Variants in CLN8 observed in about 807,000 individuals in gnomAD.
CLN8 encodes the protein protein CLN8.
Under a neutral mutation model 15.7 loss-of-function variants are expected in CLN8, and 14 were observed. The observed-to-expected ratio is 0.89, with a 90% CI of 0.59 to 1.39. CLN8 has a LOEUF of 1.39. Among genes scored for constraint, CLN8 ranks in the 40% most tolerant of loss-of-function variants. The probability of loss-of-function intolerance (pLI) is 0.00; values close to 1 mark genes in which losing one functional copy is unlikely to be tolerated. For missense variants in CLN8, 415 were observed against 364.0 expected (o/e 1.14, Z -1.14); for synonymous variants, 188 against 151.0 (o/e 1.25, Z -1.80).
At chr8:1,754,928 C>A (rs1218466355), upstream of CLN8, among the ~76,000 whole-genome samples, 1 of 152,224 alleles carries the variant, frequency 6.6e-6, no homozygotes, top group Non-Finnish European at 1.5e-5. Flanking sequence ...AGATCAGCCA[C>A]TGAAGGAGAA....
At chr8:1,765,643 C>CA (rs1801021635) in intron 1 of CLN8, among the ~76,000 whole-genome samples, 1 of 152,144 alleles carries the variant, frequency 6.6e-6, no homozygotes, top group Admixed American at 6.5e-5. Context: ...AAAGAGAATA[C>CA]ACAAAACTAG....
chr8:1,753,069 T>C (rs1001157343), upstream of CLN8, among the ~76,000 whole-genome samples: 2 of 152,198 alleles, frequency 1.3e-5, no homozygotes, highest in Non-Finnish European at 1.5e-5. Flanking sequence ...CGCAAAGATC[T>C]TCCTCTGAGT....
rs1801680770 is a variant in CLN8 at position 1,780,458 on chromosome 8, A to G, written c.752A>G (p.His251Arg). ...LTLIINPYWTHKKTQQLLNPV... is the reference protein window; with the variant it reads ...LTLIINPYWTRKKTQQLLNPV... Reference sequence around the variant, plus strand: ...CTAATCATTAATCCATATTGGACCCATAAGAAGACTCAGCAGCTTCTCAAT... The same window carrying G: ...CTAATCATTAATCCATATTGGACCCGTAAGAAGACTCAGCAGCTTCTCAAT... The change falls in exon 3 of 3, where the codon CAT (histidine) becomes CGT (arginine). Residue 251 changes from histidine to arginine, a missense_variant. Physicochemically the swap from His to Arg is conservative, Grantham distance 29. Transcript: ENST00000331222. The G allele has an allele frequency of 6.2e-7, 1 of 1,614,232 alleles. No individual in the cohort carries two copies. Among genetic ancestry groups the G allele is most frequent in the Middle Eastern group, 1.6e-4 (1 of 6,062 alleles).
Position 1,780,357 on chromosome 8 carries a change from G to A in CLN8, c.651G>A (p.Trp217Ter). 6.2e-7 allele frequency: 1 copy of A among 1,614,236 alleles called. No homozygotes were observed. Among genetic ancestry groups the A allele is most frequent in the South Asian group, 1.1e-5 (1 of 91,088 alleles). The stretch of plus-strand genomic sequence containing the variant: ...ACCACATGTGGTGGGTGTGTTTCTG[G>A]CACTGGGACGGCCTGGTCAGCAGCC... ...LTYHMWWVCFWHWDGLVSSLY... is the reference protein window; with the variant it reads ...LTYHMWWVCF Residue 217 changes from tryptophan (W) to a stop codon, truncating the protein, a stop_gained, in exon 3 of 3, where the codon TGG (tryptophan) becomes TGA (stop). Transcript: ENST00000331222. LOFTEE classifies it high-confidence loss of function.
At chr8:1,778,084 C>A (rs937254488) in intron 2 of CLN8, among the ~76,000 whole-genome samples, 1 of 152,126 alleles carries the variant, frequency 6.6e-6, no homozygotes, top group Non-Finnish European at 1.5e-5. Context: ...GGTGTGAGAT[C>A]GAAAACTTGC....
intron 1 of CLN8, among the ~76,000 whole-genome samples, chr8:1,757,674 C>T: frequency 6.6e-6 from 1 of 152,120 alleles, no homozygotes; most frequent in Non-Finnish European, 1.5e-5. Context: ...TCAGGAGATC[C>T]ACCCGCCTCG....
chr8:1,780,537 C>A lies in CLN8; in HGVS notation c.831C>A (p.Asn277Lys), dbSNP rs200083273. 6.2e-7 allele frequency: 1 copy of A among 1,614,120 alleles called. No homozygotes were observed. Among genetic ancestry groups the A allele is most frequent in the Non-Finnish European group, 8.5e-7 (1 of 1,179,980 alleles). Residue 277 changes from asparagine to lysine, a missense_variant, in exon 3 of 3, where the codon AAC becomes AAA. Asn to Lys is a moderately conservative substitution (Grantham distance 94). Coordinates refer to ENST00000331222, the MANE Select transcript of CLN8 (RefSeq NM_018941.4). ...QPEAKSRPEGNGQLLRKKRP is the reference protein window; with the variant it reads ...QPEAKSRPEGKGQLLRKKRP ...AAGCCAAGAGCAGGCCAGAAGGCAA[C>A]GGGCAGCTGCTGCGGAAGAAGAGGC...
chr8:1,772,272 T>G (rs1382779143), intron 2 of CLN8, among the ~76,000 whole-genome samples: 2 of 152,082 alleles, frequency 1.3e-5, no homozygotes. Flanking sequence ...GTAATATCTG[T>G]GCGTACACAC....
intron 1 of CLN8, among the ~76,000 whole-genome samples, chr8:1,756,663 G>A (rs1026841674): frequency 9.3e-5 from 14 of 150,410 alleles, no homozygotes; most frequent in Admixed American, 1.3e-4. Context: ...CTCTCTCTAG[G>A]TATGAATTAA....
chr8:1,782,859 A>T lies in CLN8; in HGVS notation c.*2292A>T, dbSNP rs1801740913. ...TAATTTTTATCTCACCTCCACTAGG[A>T]CTTTGACCTTCCCAGGGGTCCACAC... On this transcript the variant is annotated 3_prime_UTR_variant, in exon 3 of 3. Coordinates refer to ENST00000331222, the MANE Select transcript of CLN8 (RefSeq NM_018941.4). The T allele has an allele frequency of 6.6e-6, 1 of 152,176 alleles. No homozygotes were observed. The highest frequency in any genetic ancestry group is 1.9e-4 in the East Asian group (1 of 5,188). 9.4% of individuals were successfully genotyped at this position (152,176 alleles called of 1,614,324 possible).
intron 2 of CLN8, among the ~76,000 whole-genome samples, chr8:1,775,228 A>G (rs1023658402): frequency 2.6e-5 from 4 of 152,196 alleles, no homozygotes; most frequent in Non-Finnish European, 5.9e-5. Flanking sequence ...TAAGTAATCT[A>G]CAGATGATTT....
At chr8:1,761,411 G>A (rs879240264), upstream of CLN8, among the ~76,000 whole-genome samples, 4 of 152,114 alleles carry the variant, frequency 2.6e-5, no homozygotes, top group Admixed American at 2.0e-4. Flanking sequence ...TGCAACCTCC[G>A]CCTTCAGGGT....
chr8:1,753,413 AT>A (rs1251240545), upstream of CLN8, among the ~76,000 whole-genome samples: 1 of 152,032 alleles, frequency 6.6e-6, no homozygotes, highest in Non-Finnish European at 1.5e-5. Context: ...TCTACTAAAA[AT>A]ACAAAAATTA....
rs2129016693 is a variant in CLN8, at chr8:1,786,526, A to ATACT, written c.*5961_*5964dup. On this transcript the variant is annotated 3_prime_UTR_variant, in exon 3 of 3. Coordinates refer to ENST00000331222, the MANE Select transcript of CLN8 (RefSeq NM_018941.4). ...TATTTACTATTTTAGTAACAAAAAT[A>ATACT]TACTTGCCTAATCATGTTTAAAATA... 6.6e-6 allele frequency: 1 copy of ATACT among 152,354 alleles called. No homozygotes were observed. Among genetic ancestry groups the ATACT allele is most frequent in the East Asian group, 1.9e-4 (1 of 5,190 alleles). The allele number at this position is 152,354 out of a possible 1,614,324, so 9.4% of individuals were successfully genotyped here.
intron 1 of CLN8, among the ~76,000 whole-genome samples, chr8:1,769,580 A>G (rs1284494520): frequency 6.6e-6 from 1 of 152,202 alleles, no homozygotes; most frequent in Non-Finnish European, 1.5e-5. Flanking sequence ...AGGGGGGACC[A>G]GGCGGGGACC....
At chr8:1,764,320 T>G (rs1800950946) in intron 1 of CLN8, 1 of 151,896 alleles carries the variant, frequency 6.6e-6, no homozygotes, top group South Asian at 2.1e-4. Flanking sequence ...GACTTTGGAG[T>G]CCTTGAGCGG....
At chr8:1,777,120 C>T (rs944696005) in intron 2 of CLN8, among the ~76,000 whole-genome samples, 3 of 152,158 alleles carry the variant, frequency 2.0e-5, no homozygotes, top group East Asian at 3.8e-4. Context: ...CGGCTCTATG[C>T]GACAAAGCCC....
intron 2 of CLN8, among the ~76,000 whole-genome samples, chr8:1,778,305 T>G (rs1563112887): frequency 2.0e-5 from 3 of 152,244 alleles, no homozygotes; most frequent in Admixed American, 1.3e-4. Context: ...ACTTGTAGCC[T>G]AACTCTATAA....
At chr8:1,757,361 G>C (rs1800695078) in intron 1 of CLN8, among the ~76,000 whole-genome samples, 1 of 152,234 alleles carries the variant, frequency 6.6e-6, no homozygotes, top group South Asian at 2.1e-4. Flanking sequence ...GGGGCGTAGA[G>C]GACAGTGTGC....
Sources: gnomAD v4.1 joint callset for allele counts (sites outside exome capture counted in the v4.1 genomes callset) on GRCh38, gnomAD v4.1.1 for gene constraint, MANE v1.5 for transcripts, NCBI Gene and HGNC (gene_info 2026-07-23, HGNC 2026-07-21) for gene names.